Variants in RASSF3 observed in about 807,000 individuals in gnomAD.
RASSF3 encodes ras association domain-containing protein 3.
RASSF3 carries 19 observed loss-of-function variants against 19.9 expected under a neutral mutation model. The ratio of observed to expected loss-of-function variants is 0.96; its 90% CI spans 0.67 to 1.40. The LOEUF (loss-of-function observed/expected upper bound fraction) is 1.40, where lower values mean the gene tolerates loss of function less well. Ranked by LOEUF, RASSF3 falls within the 40% of genes most tolerant of loss-of-function variation. The pLI, the probability that RASSF3 is intolerant of heterozygous loss-of-function variation, is 0.00. For synonymous variants in RASSF3, 110 were observed against 104.2 expected (o/e 1.06, Z -0.34); for missense variants, 306 against 289.8 (o/e 1.06, Z -0.41).
rs370582373 is a variant in RASSF3 at position 64,632,281 on chromosome 12, G to A, written c.111+21538G>A. ...CGCCAAAGGTGTGGTGAAAAACTAC[G>A]CTGGAAAGGAGGGAGGGTTGGCAGG... On this transcript the variant is annotated intron_variant, in intron 1 of 4. Transcript: ENST00000542104. Among the ~76,000 whole-genome samples the A allele has an allele frequency of 2.0e-5, 3 of 152,226 alleles. No homozygotes were observed. In the East Asian group the frequency reaches 5.8e-4, roughly 29 times the overall value.
chr12:64,541,859 C>A (rs533922092), downstream of RASSF3, among the ~76,000 whole-genome samples: 1 of 152,236 alleles, frequency 6.6e-6, no homozygotes, highest in South Asian at 2.1e-4. Context: ...CTCCTTGCCG[C>A]CTGTTGCATC....
intron 1 of RASSF3, among the ~76,000 whole-genome samples, chr12:64,674,494 T>C (rs546707190): frequency 2.8e-4 from 42 of 152,288 alleles, no homozygotes; most frequent in African/African-American, 9.6e-4. Flanking sequence ...GGTAGGAGGA[T>C]CGCTTGAGCC....
intron 3 of RASSF3, among the ~76,000 whole-genome samples, chr12:64,691,128 T>G (rs1469175548): frequency 6.6e-6 from 1 of 152,040 alleles, no homozygotes; most frequent in Non-Finnish European, 1.5e-5. Context: ...TCCCAAAGTA[T>G]TGGGATTACA....
chr12:64,546,422 C>T (rs575573020), downstream of RASSF3, among the ~76,000 whole-genome samples: 31 of 152,192 alleles, frequency 2.0e-4, no homozygotes, highest in African/African-American at 7.0e-4. Context: ...AGGCGCCTGC[C>T]ACCACGCCCA....
At chr12:64,622,455 T>G in intron 1 of RASSF3, 1 of 528,822 alleles carries the variant, frequency 1.9e-6, no homozygotes, top group South Asian at 1.4e-5. Flanking sequence ...TTTATACTGT[T>G]TACTTATAGG....
chr12:64,693,417 T>G (rs1342657690), intron 4 of RASSF3, among the ~76,000 whole-genome samples: 1 of 151,544 alleles, frequency 6.6e-6, no homozygotes, highest in Non-Finnish European at 1.5e-5. Context: ...TGTTTTAATT[T>G]TTTTTTTTTT....
chr12:64,694,758 G>T lies in RASSF3; in HGVS notation c.568-5G>T. ...TGGCATTTTTCTTTCTGTGTTTCCT[G>T]ACAGTGGGAAGCCTTCAGCCTTCCA... is the stretch of plus-strand genomic sequence containing the variant. On this transcript the variant is annotated splice_polypyrimidine_tract_variant and splice_region_variant and intron_variant, in intron 4 of 4. Coordinates refer to ENST00000542104, the MANE Select transcript of RASSF3 (RefSeq NM_178169.4). The T allele has an allele frequency of 6.2e-7, 1 of 1,614,068 alleles. No homozygotes were observed. The highest frequency in any genetic ancestry group is 8.5e-7 in the Non-Finnish European group (1 of 1,179,972).
At chr12:64,663,593 C>T (rs1872445112) in intron 1 of RASSF3, among the ~76,000 whole-genome samples, 1 of 151,732 alleles carries the variant, frequency 6.6e-6, no homozygotes, top group African/African-American at 2.4e-5. Context: ...GTAATCTCCG[C>T]TTCCCAGGTT....
rs141089290 is a variant in RASSF3 at position 64,562,779 on chromosome 12, C to G, written c.294+21074C>G. 2.0e-3 allele frequency among the ~76,000 whole-genome samples: 297 copies of G among 152,172 alleles called. 4 individuals carry two copies. Among genetic ancestry groups the G allele is most frequent in the African/African-American group, 7.0e-3 (291 of 41,526 alleles). ...AGGACTACAGGTGTATGCCACCACA[C>G]CTGGCTAATGTTTTTTAAAAATATA... is the stretch of plus-strand genomic sequence containing the variant. On this transcript the variant is annotated intron_variant, in intron 2 of 5. Coordinates refer to the RASSF3 transcript ENST00000637125.
chr12:64,570,663 A>G (rs1565841099), intron 2 of RASSF3, among the ~76,000 whole-genome samples: 1 of 152,182 alleles, frequency 6.6e-6, no homozygotes, highest in Non-Finnish European at 1.5e-5. Flanking sequence ...TGTCTTTCTA[A>G]GAGCTGTTTA....
intron 2 of RASSF3, among the ~76,000 whole-genome samples, chr12:64,553,976 C>CAAAAAAA (rs1021865573): frequency 4.8e-4 from 40 of 83,510 alleles, no homozygotes; most frequent in African/African-American, 1.5e-3. Context: ...GATCCTGTCT[C>CAAAAAAA]AAAAAAAAAA....
intron 1 of RASSF3, among the ~76,000 whole-genome samples, chr12:64,672,993 G>T (rs1481557604): frequency 6.6e-6 from 1 of 152,166 alleles, no homozygotes; most frequent in Non-Finnish European, 1.5e-5. Context: ...CTCCTCGGTT[G>T]CTGCAGCATT....
chr12:64,583,373 G>A (rs997553964), intron 2 of RASSF3, among the ~76,000 whole-genome samples: 1 of 152,228 alleles, frequency 6.6e-6, no homozygotes, highest in Non-Finnish European at 1.5e-5. Flanking sequence ...TGTAATCCCA[G>A]CACTTTGGGA....
At chr12:64,655,427 C>A (rs576133988) in intron 1 of RASSF3, among the ~76,000 whole-genome samples, 1 of 152,058 alleles carries the variant, frequency 6.6e-6, no homozygotes, top group African/African-American at 2.4e-5. Flanking sequence ...GCCCTGATGT[C>A]CTAAAGGAGA....
chr12:64,660,436 G>C (rs1872315492), intron 1 of RASSF3, among the ~76,000 whole-genome samples: 1 of 152,160 alleles, frequency 6.6e-6, no homozygotes, highest in South Asian at 2.1e-4. Context: ...TGTGTACACT[G>C]AGAAGTCTGT....
chr12:64,593,327 T>C (rs1323187776), intron 2 of RASSF3, among the ~76,000 whole-genome samples: 1 of 152,204 alleles, frequency 6.6e-6, no homozygotes, highest in Non-Finnish European at 1.5e-5. Flanking sequence ...GTTCAAGCAA[T>C]TCTCCTGCCT....
At chr12:64,622,536 A>C (rs764336601) in intron 1 of RASSF3, 1 of 525,192 alleles carries the variant, frequency 1.9e-6, no homozygotes, top group South Asian at 1.4e-5. Flanking sequence ...TTGGTGCAAA[A>C]GTAATTGCGG....
At chr12:64,524,221 T>C (rs1868537471) in intron 1 of RASSF3, among the ~76,000 whole-genome samples, 1 of 29,646 alleles carries the variant, frequency 3.4e-5, no homozygotes, top group Non-Finnish European at 7.2e-5. Flanking sequence ...CCGGCAATTT[T>C]ATTTATTTAT....
intron 1 of RASSF3, among the ~76,000 whole-genome samples, chr12:64,679,059 C>T (rs1873019843): frequency 6.6e-6 from 1 of 152,122 alleles, no homozygotes; most frequent in Non-Finnish European, 1.5e-5. Context: ...TTTGAACAGT[C>T]ACTCGTTTTT....
Sources: gnomAD v4.1 joint callset for allele counts (sites outside exome capture counted in the v4.1 genomes callset) on GRCh38, gnomAD v4.1.1 for gene constraint, MANE v1.5 for transcripts, NCBI Gene and HGNC (gene_info 2026-07-23, HGNC 2026-07-21) for gene names.